The following PNMA8B variants were observed in gnomAD, a reference collection of about 807,000 sequenced individuals.
The protein encoded by PNMA8B is paraneoplastic antigen-like protein 8B.
For missense variants in PNMA8B, 887 were observed against 885.8 expected (o/e 1.00, Z -0.02); for synonymous variants, 386 against 394.9 (o/e 0.98, Z 0.27).
rs2147485299 is a variant in PNMA8B, at chr19:46,494,043, C to T, written c.1423G>A (p.Gly475Arg). Reference protein sequence around the residue: ...KEEKENAWEGGKYKYPKGKLG... With the variant: ...KEEKENAWEGRKYKYPKGKLG... The stretch of plus-strand genomic sequence containing the variant: ...TTGCCTTTGGGGTATTTGTACTTCC[C>T]GCCTTCCCAGGCGTTTTCTTTTTCC... The change falls in exon 1 of 1, where the codon GGG (glycine) becomes AGG (arginine). Residue 475 changes from glycine to arginine, a missense_variant. Gly to Arg is a moderately radical substitution (Grantham distance 125, BLOSUM62 -2). Transcript: ENST00000599531. 5.6e-6 allele frequency: 9 copies of T among 1,613,644 alleles called. No homozygotes were observed. Among genetic ancestry groups the T allele is most frequent in the South Asian group, 1.1e-5 (1 of 91,072 alleles).
rs200748939 is a variant in PNMA8B, at chr19:46,495,434, C to T, written c.32G>A (p.Arg11Gln). The change falls in exon 1 of 1, where the codon CGG becomes CAG. Residue 11 changes from arginine (R) to glutamine (Q), a missense_variant. Physicochemically the swap from Arg to Gln is conservative, Grantham distance 43. Coordinates refer to ENST00000599531, the MANE Select transcript of PNMA8B (RefSeq NM_020709.3). MAMSLLQDWC[R>Q]SLDVDAHRAL... Reference sequence around the variant, plus strand: ...CCTGTGCGCGTCCACGTCCAGGCTCCGGCACCAGTCCTGCAAAAGGCTCAT... The same window carrying T: ...CCTGTGCGCGTCCACGTCCAGGCTCTGGCACCAGTCCTGCAAAAGGCTCAT... 4.1e-4 allele frequency: 642 copies of T among 1,560,800 alleles called. 1 individual carries two copies. Among genetic ancestry groups the T allele is most frequent in the Admixed American group, 1.3e-4 (8 of 59,846 alleles).
In PNMA8B at chr19:46,494,613, C is replaced by T. The variant is rs775611292; in HGVS notation, c.853G>A (p.Asp285Asn). 1.1e-5 allele frequency: 17 copies of T among 1,613,908 alleles called. No homozygotes were observed. The highest frequency in any genetic ancestry group is 1.0e-5 in the Non-Finnish European group (12 of 1,179,902). The change falls in exon 1 of 1, where the codon GAC (aspartate) becomes AAC (asparagine). Residue 285 changes from aspartate (D) to asparagine (N), a missense_variant. By Grantham distance (23) the Asp-to-Asn change is conservative. Coordinates refer to ENST00000599531, the MANE Select transcript of PNMA8B (RefSeq NM_020709.3). ...AESIRLNTKE[D>N]KNGVPDLVAL... is the part of the protein sequence containing the mutation. ...ACTAAGTCGGGGACACCATTTTTGT[C>T]TTCTTTGGTGTTCAAGCGGATGGAT...
In PNMA8B at chr19:46,492,253, C is replaced by G; in HGVS notation, c.*1305G>C. On this transcript the variant is annotated 3_prime_UTR_variant, in exon 1 of 1. Coordinates refer to ENST00000599531, the MANE Select transcript of PNMA8B (RefSeq NM_020709.3). ...GGACGAGGAAGCACACACATTGCCC[C>G]AGGGACAAGAAGGCATGAATGAAGG... 2.8e-6 allele frequency: 1 copy of G among 356,434 alleles called. No homozygotes were observed. The highest frequency in any genetic ancestry group is 5.8e-6 in the Non-Finnish European group (1 of 171,658). The allele number at this position is 356,434 out of a possible 1,614,324, so 22.1% of individuals were successfully genotyped here.
rs1410600840 is a variant in PNMA8B, at chr19:46,492,991, C to T, written c.*567G>A. Reference sequence around the variant, plus strand: ...TTCCTCCTCCTCCCCTTCCCAACCGCCTTCTATCTCTCAGACTTTCCTTTC... The same window carrying T: ...TTCCTCCTCCTCCCCTTCCCAACCGTCTTCTATCTCTCAGACTTTCCTTTC... On this transcript the variant is annotated 3_prime_UTR_variant, in exon 1 of 1. Coordinates refer to ENST00000599531, the MANE Select transcript of PNMA8B (RefSeq NM_020709.3). The T allele has an allele frequency of 1.9e-5, 3 of 154,982 alleles. No individual in the cohort carries two copies. Among genetic ancestry groups the T allele is most frequent in the Admixed American group, 6.5e-5 (1 of 15,282 alleles). 9.6% of individuals were successfully genotyped at this position (154,982 alleles called of 1,614,324 possible). A position where few individuals can be genotyped will look rare whatever the true frequency, so the allele number is the denominator to read the frequency against.
Position 46,495,423 on chromosome 19 carries a change from C to T in PNMA8B, c.43G>A (p.Val15Met). 1 of 1,516,452 alleles carries T rather than the reference C, an allele frequency of 6.6e-7. No homozygotes were observed. The highest frequency in any genetic ancestry group is 9.2e-7 in the Non-Finnish European group (1 of 1,092,140). 93.9% of individuals were successfully genotyped at this position (1,516,452 alleles called of 1,614,324 possible). A position where few individuals can be genotyped will look rare whatever the true frequency, so the allele number is the denominator to read the frequency against. The change falls in exon 1 of 1, where the codon GTG becomes ATG. Residue 15 changes from valine to methionine, a missense_variant. Transcript: ENST00000599531. The stretch of plus-strand genomic sequence containing the variant: ...ACCAGCAGGGCCCTGTGCGCGTCCA[C>T]GTCCAGGCTCCGGCACCAGTCCTGC... ...LLQDWCRSLD[V>M]DAHRALLVTG...
Position 46,494,990 on chromosome 19 carries a change from C to G in PNMA8B, c.476G>C (p.Arg159Thr), listed in dbSNP as rs1214638645. Residue 159 changes from arginine to threonine, a missense_variant, in exon 1 of 1, where the codon AGG (arginine) becomes ACG (threonine). By Grantham distance (71) the Arg-to-Thr change is moderately conservative (BLOSUM62 -1). Transcript: ENST00000599531. ...SLLGAARNPR[R>T]GRRGRRNRTR... The stretch of plus-strand genomic sequence containing the variant: ...TCTGTTTCTGCGACCCCGACGGCCC[C>G]TCCTTGGGTTCCTGGCTGCCCCAAG... 1.9e-6 allele frequency: 3 copies of G among 1,609,000 alleles called. No homozygotes were observed. The highest frequency in any genetic ancestry group is 1.7e-5 in the Admixed American group (1 of 60,024).
At position 46,492,279 on chromosome 19, in the gene PNMA8B, T is replaced by G. The variant is rs1568615902; in HGVS notation, c.*1279A>C. The G allele has an allele frequency of 1.3e-5, 4 of 296,852 alleles. No homozygotes were observed. 18.4% of individuals were successfully genotyped at this position (296,852 alleles called of 1,614,324 possible). A position where few individuals can be genotyped will look rare whatever the true frequency, so the allele number is the denominator to read the frequency against. On this transcript the variant is annotated 3_prime_UTR_variant, in exon 1 of 1. Coordinates refer to ENST00000599531, the MANE Select transcript of PNMA8B (RefSeq NM_020709.3). ...AGGGACAAGAAGGCATGAATGAAGG[T>G]GGGGTCCCGTGGAGACTGATATTTA... is the stretch of plus-strand genomic sequence containing the variant.
Position 46,495,207 on chromosome 19 carries a change from C to T in PNMA8B, c.259G>A (p.Gly87Arg). The T allele has an allele frequency of 3.7e-6, 6 of 1,613,662 alleles. No homozygotes were observed. Among genetic ancestry groups the T allele is most frequent in the Non-Finnish European group, 5.1e-6 (6 of 1,179,550 alleles). ...AIPREIPGKD[G>R]VWRVLWKDRA... is the part of the protein sequence containing the mutation. ...TCCTTCCACAGAACCCTCCAGACCC[C>T]ATCCTTGCCTGGGATCTCCCTGGGA... Residue 87 changes from glycine (G) to arginine (R), a missense_variant, in exon 1 of 1, where the codon GGG becomes AGG. Transcript: ENST00000599531.
In PNMA8B at chr19:46,492,233, A is replaced by C. The variant is rs1198829924; in HGVS notation, c.*1325T>G. 1 of 380,742 alleles carries C rather than the reference A, an allele frequency of 2.6e-6. No homozygotes were observed. The highest frequency in any genetic ancestry group is 5.4e-6 in the Non-Finnish European group (1 of 184,538). The allele number at this position is 380,742 out of a possible 1,614,324, so 23.6% of individuals were successfully genotyped here. On this transcript the variant is annotated 3_prime_UTR_variant, in exon 1 of 1. Transcript: ENST00000599531. Reference sequence around the variant, plus strand: ...CTGCCAGGGAATGGAAATTGGGACGAGGAAGCACACACATTGCCCCAGGGA... The same window carrying C: ...CTGCCAGGGAATGGAAATTGGGACGCGGAAGCACACACATTGCCCCAGGGA...
chr19:46,493,798 C>T lies in PNMA8B; in HGVS notation c.1668G>A (p.Gly556=), dbSNP rs913317636. The T allele has an allele frequency of 5.0e-5, 67 of 1,344,860 alleles. No homozygotes were observed. Among genetic ancestry groups the T allele is most frequent in the Non-Finnish European group, 6.4e-5 (67 of 1,051,134 alleles). The allele number at this position is 1,344,860 out of a possible 1,614,324, so 83.3% of individuals were successfully genotyped here. ...TPAGAPPTAS[G]ARKTRAGGRG... ...GGCCGCCCGCGCGGGTTTTGCGGGC[C>T]CCGGAAGCGGTGGGAGGCGCGCCGG... The change falls in exon 1 of 1, where the codon GGG becomes GGA. Residue 556 remains glycine, a synonymous_variant. Coordinates refer to ENST00000599531, the MANE Select transcript of PNMA8B (RefSeq NM_020709.3). This position sits in a 1 kb window ranked among gnomAD's most constrained non-coding sequence, Gnocchi z 5.3.
At position 46,493,503 on chromosome 19, in the gene PNMA8B, C is replaced by A. The variant is rs1438865940; in HGVS notation, c.*55G>T. 4.7e-6 allele frequency: 5 copies of A among 1,060,038 alleles called. No individual in the cohort carries two copies. The South Asian group carries it at 1.2e-4, about 25-fold the overall frequency. 65.7% of individuals were successfully genotyped at this position (1,060,038 alleles called of 1,614,324 possible). On this transcript the variant is annotated 3_prime_UTR_variant, in exon 1 of 1. Transcript: ENST00000599531. This position sits in a 1 kb window ranked among gnomAD's most constrained non-coding sequence, Gnocchi z 5.3. ...GGGAGGGGAGGGCGGGGGCCACAGGCGGGCGGGTGCCCTGCGGGGCCTGCT... is the reference window on the plus strand; with the variant it reads ...GGGAGGGGAGGGCGGGGGCCACAGGAGGGCGGGTGCCCTGCGGGGCCTGCT...
chr19:46,494,826 G>T lies in PNMA8B; in HGVS notation c.640C>A (p.Leu214Met), dbSNP rs767184857. ...GCGCTCTGGTCCTCTTCTCCGCTCA[G>T]GTCGCCCTGGTCGATCTCCTCGATC... ...IVIEEIDQGD[L>M]SGEEDQSALY... The change falls in exon 1 of 1, where the codon CTG (leucine) becomes ATG (methionine). Residue 214 changes from leucine to methionine, a missense_variant. By Grantham distance (15) the Leu-to-Met change is conservative. Coordinates refer to ENST00000599531, the MANE Select transcript of PNMA8B (RefSeq NM_020709.3). The T allele has an allele frequency of 6.2e-7, 1 of 1,613,490 alleles. No individual in the cohort carries two copies. The highest frequency in any genetic ancestry group is 2.2e-5 in the East Asian group (1 of 44,878).
rs1033706682 is a variant in PNMA8B at position 46,495,818 on chromosome 19, G to A, written c.-353C>T. ...GGGGGCGGCGCCGAGTGCACCTGGAGAGGCGTGGGAGGTAGCAGCCGCAGC... is the reference window on the plus strand; with the variant it reads ...GGGGGCGGCGCCGAGTGCACCTGGAAAGGCGTGGGAGGTAGCAGCCGCAGC... On this transcript the variant is annotated 5_prime_UTR_variant, in exon 1 of 1. Transcript: ENST00000599531. 4.5e-6 allele frequency: 1 copy of A among 224,676 alleles called. No individual in the cohort carries two copies. Among genetic ancestry groups the A allele is most frequent in the African/African-American group, 2.3e-5 (1 of 43,776 alleles). The allele number at this position is 224,676 out of a possible 1,614,324, so 13.9% of individuals were successfully genotyped here. A position where few individuals can be genotyped will look rare whatever the true frequency, so the allele number is the denominator to read the frequency against.
rs1274156137 is a variant in PNMA8B at position 46,495,104 on chromosome 19, G to C, written c.362C>G (p.Ala121Gly). Residue 121 changes from alanine (A) to glycine (G), a missense_variant, in exon 1 of 1, where the codon GCT becomes GGT. Coordinates refer to ENST00000599531, the MANE Select transcript of PNMA8B (RefSeq NM_020709.3). ...GGTGGGTGCCTCCCCGGGGGTCCCA[G>C]CCTCCGCGGCCTGCGTGGGCCCGTC... Reference protein sequence around the residue: ...LDDGPTQAAEAGTPGEAPTPP... With the variant: ...LDDGPTQAAEGGTPGEAPTPP... 4 of 1,613,380 alleles carry C rather than the reference G, an allele frequency of 2.5e-6. No individual in the cohort carries two copies. The highest frequency in any genetic ancestry group is 2.2e-5 in the East Asian group (1 of 44,868).
chr19:46,495,085 T>A lies in PNMA8B; in HGVS notation c.381A>T (p.Ala127=), dbSNP rs1172293795. The part of the protein sequence containing the change: ...QAAEAGTPGE[A]PTPPASETQA... The stretch of plus-strand genomic sequence containing the variant: ...GCGTCTCCGAAGCGGGAGGGGTGGG[T>A]GCCTCCCCGGGGGTCCCAGCCTCCG... The change falls in exon 1 of 1, where the codon GCA becomes GCT. Residue 127 remains alanine (A), a synonymous_variant. Transcript: ENST00000599531. 1 of 1,612,578 alleles carries A rather than the reference T, an allele frequency of 6.2e-7. No individual in the cohort carries two copies. Among genetic ancestry groups the A allele is most frequent in the Non-Finnish European group, 8.5e-7 (1 of 1,179,712 alleles).
chr19:46,493,663 G>A lies in PNMA8B; in HGVS notation c.1803C>T (p.Ala601=). The change falls in exon 1 of 1, where the codon GCC becomes GCT. Residue 601 remains alanine, a synonymous_variant. Coordinates refer to ENST00000599531, the MANE Select transcript of PNMA8B (RefSeq NM_020709.3). This position sits in a 1 kb window ranked among gnomAD's most constrained non-coding sequence, Gnocchi z 5.3. ...RKKKGSAGAG[A]HARAGEAKGQ... Reference sequence around the variant, plus strand: ...CCTTGGCCTCGCCTGCCCTGGCATGGGCCCCGGCGCCCGCGCTCCCCTTCT... The same window carrying A: ...CCTTGGCCTCGCCTGCCCTGGCATGAGCCCCGGCGCCCGCGCTCCCCTTCT... 6.5e-7 allele frequency: 1 copy of A among 1,533,490 alleles called. No homozygotes were observed. The highest frequency in any genetic ancestry group is 8.7e-7 in the Non-Finnish European group (1 of 1,149,018). 95.0% of individuals were successfully genotyped at this position (1,533,490 alleles called of 1,614,324 possible). A position where few individuals can be genotyped will look rare whatever the true frequency, so the allele number is the denominator to read the frequency against.
rs1970033270 is a variant in PNMA8B at position 46,493,380 on chromosome 19, C to G, written c.*178G>C. On this transcript the variant is annotated 3_prime_UTR_variant, in exon 1 of 1. Transcript: ENST00000599531. This position sits in a 1 kb window ranked among gnomAD's most constrained non-coding sequence, Gnocchi z 5.3. The stretch of plus-strand genomic sequence containing the variant: ...CCTCCGTCGGGATCGCTGGCGCCCC[C>G]GGCCTGCGAGGGCCCGAGAGGGGAA... The G allele has an allele frequency of 7.1e-6, 3 of 422,206 alleles. No homozygotes were observed. Among genetic ancestry groups the G allele is most frequent in the South Asian group, 1.2e-4 (1 of 8,342 alleles). 26.2% of individuals were successfully genotyped at this position (422,206 alleles called of 1,614,324 possible). A position where few individuals can be genotyped will look rare whatever the true frequency, so the allele number is the denominator to read the frequency against.
chr19:46,493,475 G>A lies in PNMA8B; in HGVS notation c.*83C>T, dbSNP rs1437988912. The A allele has an allele frequency of 1.7e-5, 14 of 845,942 alleles. No homozygotes were observed. The Middle Eastern group carries it at 1.2e-3, about 72-fold the overall frequency. 52.4% of individuals were successfully genotyped at this position (845,942 alleles called of 1,614,324 possible). A position where few individuals can be genotyped will look rare whatever the true frequency, so the allele number is the denominator to read the frequency against. ...AGATTGCGTCTGCGGAGGACAGGAA[G>A]AGGGGAGGGGAGGGCGGGGGCCACA... On this transcript the variant is annotated 3_prime_UTR_variant, in exon 1 of 1. Transcript: ENST00000599531. The surrounding 1 kb of genome is among the most constrained non-coding windows in gnomAD (Gnocchi z 5.3).
Position 46,494,781 on chromosome 19 carries a change from C to A in PNMA8B, c.685G>T (p.Ala229Ser), listed in dbSNP as rs1022186470. The change falls in exon 1 of 1, where the codon GCC becomes TCC. Residue 229 changes from alanine (A) to serine (S), a missense_variant. Ala to Ser is a moderately conservative substitution (Grantham distance 99). Coordinates refer to ENST00000599531, the MANE Select transcript of PNMA8B (RefSeq NM_020709.3). ...DQSALYATLQ[A>S]AARELVRQWA... is the part of the protein sequence containing the mutation. ...TGCCTAACCAGCTCCCTGGCAGCGG[C>A]CTGCAGCGTGGCGTACAGCGCGCTC... 21 of 1,613,770 alleles carry A rather than the reference C, an allele frequency of 1.3e-5. No homozygotes were observed. Among genetic ancestry groups the A allele is most frequent in the Non-Finnish European group, 1.8e-5 (21 of 1,179,848 alleles).
Sources: allele counts gnomAD v4.1 joint callset, GRCh38; gene constraint gnomAD v4.1.1; non-coding constraint Gnocchi (gnomAD v3.1); transcripts MANE v1.5; gene names NCBI Gene and HGNC (gene_info 2026-07-23, HGNC 2026-07-21).